Variants in HSD17B3 observed in about 807,000 individuals in gnomAD.
HSD17B3 encodes hydroxysteroid 17-beta dehydrogenase 3.
Under a neutral mutation model 41.1 loss-of-function variants are expected in HSD17B3, and 29 were observed. The observed-to-expected ratio is 0.71, with a 90% CI of 0.53 to 0.96. The LOEUF (loss-of-function observed/expected upper bound fraction) is 0.96, where lower values mean the gene tolerates loss of function less well. HSD17B3 is among the 40% of genes least tolerant of loss of function. The pLI is 0.00. For missense variants in HSD17B3, 323 were observed against 374.6 expected (o/e 0.86, Z 1.14); for synonymous variants, 126 against 145.6 (o/e 0.87, Z 0.97).
intron 6 of HSD17B3, 121 bp downstream of exon 6, chr9:96,249,630 A>T: frequency 1.1e-6 from 1 of 881,930 alleles, no homozygotes. Context: ...TGGCCTCTCA[A>T]CTAAGTGTGG....
chr9:96,258,956 AC>A (rs1418402078), intron 2 of HSD17B3, among the ~76,000 whole-genome samples: 4 of 152,170 alleles, frequency 2.6e-5, no homozygotes, highest in Non-Finnish European at 5.9e-5. Flanking sequence ...ACATTTGGGA[AC>A]CCATTCAGGA....
intron 2 of HSD17B3, among the ~76,000 whole-genome samples, chr9:96,278,772 A>C (rs1826570823): frequency 6.6e-6 from 1 of 152,224 alleles, no homozygotes; most frequent in African/African-American, 2.4e-5. Flanking sequence ...CAGTAATTAG[A>C]AATAAATGAG....
chr9:96,293,570 T>A (rs1226542104), intron 2 of HSD17B3, among the ~76,000 whole-genome samples: 1 of 151,494 alleles, frequency 6.6e-6, no homozygotes, highest in Non-Finnish European at 1.5e-5. Context: ...TCTGTCTCCT[T>A]CCCTCTCCCT....
intron 2 of HSD17B3, among the ~76,000 whole-genome samples, chr9:96,295,986 T>C (rs1267714930): frequency 1.3e-5 from 2 of 152,084 alleles, no homozygotes; most frequent in African/African-American, 2.4e-5. Context: ...TGGTGGCTCA[T>C]GTCTGTAATC....
At chr9:96,296,818 G>C (rs1171849064) in intron 2 of HSD17B3, among the ~76,000 whole-genome samples, 2 of 152,126 alleles carry the variant, frequency 1.3e-5, no homozygotes, top group Non-Finnish European at 2.9e-5. Context: ...AAAGCAGGCA[G>C]ATAACTTGAG....
chr9:96,249,881 G>A, intron 5 of HSD17B3, 95 bp from the exon 6 acceptor site: 1 of 1,608,074 alleles, frequency 6.2e-7, no homozygotes, highest in Non-Finnish European at 8.5e-7. Flanking sequence ...GTGGGCAAAA[G>A]TGCATGTCTG....
chr9:96,295,701 G>A (rs977741773), intron 2 of HSD17B3, among the ~76,000 whole-genome samples: 20 of 152,182 alleles, frequency 1.3e-4, no homozygotes, highest in African/African-American at 4.3e-4. Flanking sequence ...TAGCAAGTGC[G>A]TCCCAGATGC....
Position 96,235,987 on chromosome 9 carries a change from T to C in HSD17B3, c.823-417A>G, listed in dbSNP as rs1252182665. Among the ~76,000 whole-genome samples, 6 of 151,716 alleles carry C rather than the reference T, an allele frequency of 4.0e-5. No homozygotes were observed. In the East Asian group the frequency reaches 7.9e-4, roughly 20 times the overall value. On this transcript the variant is annotated intron_variant, in intron 10 of 10. Coordinates refer to ENST00000375263, the MANE Select transcript of HSD17B3 (RefSeq NM_000197.2). ...TGCCTGGCTAATTTTTTCTTTTTTT[T>C]TTTTCAGAGACAGAGTCTCACTATG...
chr9:96,299,383 T>C (rs533742929), intron 1 of HSD17B3, among the ~76,000 whole-genome samples: 29 of 152,342 alleles, frequency 1.9e-4, no homozygotes, highest in Non-Finnish European at 3.1e-4. Context: ...AGAGGCTCCA[T>C]GCACACCGTC....
At chr9:96,270,954 G>GGC (rs1038472714) in intron 2 of HSD17B3, among the ~76,000 whole-genome samples, 36 of 19,594 alleles carry the variant, frequency 1.8e-3, no homozygotes, top group African/African-American at 4.6e-3. Flanking sequence ...AAATCCTCTC[G>GGC]GGGGGGGGGG....
chr9:96,245,560 G>T lies in HSD17B3; in HGVS notation c.525-134C>A, dbSNP rs562530733. 45 of 712,784 alleles carry T rather than the reference G, an allele frequency of 6.3e-5. No homozygotes were observed. In the African/African-American group the frequency reaches 7.0e-4, roughly 11 times the overall value. 44.2% of individuals were successfully genotyped at this position (712,784 alleles called of 1,614,324 possible). Reference sequence around the variant, plus strand: ...GGCTTCCGCAAGTGCTAGGGGCTCTGCTTCTAGGAATGGTAAGTGAACTTC... The same window carrying T: ...GGCTTCCGCAAGTGCTAGGGGCTCTTCTTCTAGGAATGGTAAGTGAACTTC... On this transcript the variant is annotated intron_variant, in intron 7 of 10. Transcript: ENST00000375263.
chr9:96,265,032 A>C (rs2130751002), intron 2 of HSD17B3, among the ~76,000 whole-genome samples: 1 of 152,326 alleles, frequency 6.6e-6, no homozygotes, highest in Non-Finnish European at 1.5e-5. Flanking sequence ...ACCCTAGAAT[A>C]TTTTCTAATA....
intron 7 of HSD17B3, 33 bp downstream of exon 7, chr9:96,246,523 T>A: frequency 6.2e-7 from 1 of 1,610,072 alleles, no homozygotes; most frequent in East Asian, 2.2e-5. Flanking sequence ...AGGGAGGCCA[T>A]GTTGCTCCAC....
intron 2 of HSD17B3, among the ~76,000 whole-genome samples, chr9:96,255,344 G>T (rs1386333735): frequency 3.8e-5 from 5 of 131,592 alleles, no homozygotes; most frequent in Non-Finnish European, 7.9e-5. Context: ...CATAATAAAA[G>T]CAGTGTTTCT....
chr9:96,270,372 T>A (rs1826197394), intron 2 of HSD17B3, among the ~76,000 whole-genome samples: 1 of 152,014 alleles, frequency 6.6e-6, no homozygotes, highest in Non-Finnish European at 1.5e-5. Context: ...ATTGCAGGGT[T>A]GAAGTCAAGT....
intron 6 of HSD17B3, among the ~76,000 whole-genome samples, chr9:96,248,998 C>A (rs1191235888): frequency 2.0e-5 from 3 of 152,024 alleles, no homozygotes. Flanking sequence ...CTCTGCCTGC[C>A]TGGTTCAGGC....
intron 2 of HSD17B3, among the ~76,000 whole-genome samples, chr9:96,282,035 G>A (rs1441241395): frequency 1.3e-5 from 2 of 152,190 alleles, no homozygotes; most frequent in African/African-American, 2.4e-5. Context: ...ATATTGTTCT[G>A]CCACAAAGAG....
At position 96,292,517 on chromosome 9, in the gene HSD17B3, T is replaced by C. The variant is rs968528298; in HGVS notation, c.201+5899A>G. ...TGCCCACCATCATGCCCAGCTAATT[T>C]TTGTATTTTCCGTAGAGACAGGGTT... is the stretch of plus-strand genomic sequence containing the variant. On this transcript the variant is annotated intron_variant, in intron 2 of 10. Coordinates refer to ENST00000375263, the MANE Select transcript of HSD17B3 (RefSeq NM_000197.2). 3.9e-5 allele frequency among the ~76,000 whole-genome samples: 6 copies of C among 152,284 alleles called. No homozygotes were observed. In the South Asian group the frequency reaches 6.2e-4, roughly 16 times the overall value.
intron 2 of HSD17B3, among the ~76,000 whole-genome samples, chr9:96,283,625 TA>T (rs1396400495): frequency 6.6e-6 from 1 of 152,196 alleles, no homozygotes; most frequent in African/African-American, 2.4e-5. Flanking sequence ...TTATAATTGT[TA>T]CATAAAATCA....
Sources: allele counts gnomAD v4.1 joint callset (sites outside exome capture counted in the v4.1 genomes callset), GRCh38; gene constraint gnomAD v4.1.1; transcripts MANE v1.5; gene names NCBI Gene and HGNC (gene_info 2026-07-23, HGNC 2026-07-21).